Variants in PTPRD observed in about 807,000 individuals in gnomAD.
PTPRD encodes the protein receptor-type tyrosine-protein phosphatase delta.
A neutral mutation model predicts 214.5 loss-of-function variants in PTPRD; 34 were observed. The ratio of observed to expected loss-of-function variants is 0.16; its 90% confidence interval spans 0.12 to 0.21. The LOEUF (loss-of-function observed/expected upper bound fraction) is 0.21, where lower values mean the gene tolerates loss of function less well. Ranked by LOEUF, PTPRD falls within the 10% of genes least tolerant of loss-of-function variation. The pLI, the probability that PTPRD is intolerant of heterozygous loss-of-function variation, is 1.00. For missense variants in PTPRD, 2,545 were observed against 2,398.7 expected, an observed-to-expected ratio of 1.06 and a Z score of -1.27; for synonymous variants, 1,128 against 845.7, an observed-to-expected ratio of 1.33 and a Z score of -5.79.
Position 10,051,657 on chromosome 9 carries a change from G to T in PTPRD, c.-544-17867C>A, listed in dbSNP as rs572219616. On this transcript the variant is annotated intron_variant, in intron 3 of 45. Transcript: ENST00000381196. ...GATGTTCCCCTTCCTGTGTCCATGT[G>T]TTCTCATTGTTCAATTCCCACCTGT... Among the ~76,000 whole-genome samples the T allele has an allele frequency of 1.9e-4, 28 of 150,934 alleles. No homozygotes were observed. In the South Asian group the frequency reaches 5.9e-3, roughly 32 times the overall value.
chr9:8,452,249 C>T (rs1455523948), intron 33 of PTPRD, among the ~76,000 whole-genome samples: 1 of 152,142 alleles, frequency 6.6e-6, no homozygotes, highest in South Asian at 2.1e-4. Context: ...AGTTTTCTTT[C>T]GATGATCACA....
intron 9 of PTPRD, among the ~76,000 whole-genome samples, chr9:9,244,370 T>A (rs1267573185): frequency 1.3e-5 from 2 of 152,100 alleles, no homozygotes; most frequent in African/African-American, 4.8e-5. Context: ...GGCATCACAC[T>A]ACCTGACTTC....
At chr9:8,322,370 T>C (rs956571598) in intron 44 of PTPRD, among the ~76,000 whole-genome samples, 2 of 152,150 alleles carry the variant, frequency 1.3e-5, no homozygotes, top group African/African-American at 4.8e-5. Context: ...AATGCAAAGT[T>C]CCTGAAGGAA....
At chr9:10,307,947 C>A (rs1212700518) in intron 3 of PTPRD, among the ~76,000 whole-genome samples, 1 of 151,732 alleles carries the variant, frequency 6.6e-6, no homozygotes, top group Admixed American at 6.6e-5. Context: ...GTTTGAGTTC[C>A]TTGTATTCTG....
At chr9:9,260,358 T>C (rs766502512) in intron 9 of PTPRD, among the ~76,000 whole-genome samples, 1 of 151,848 alleles carries the variant, frequency 6.6e-6, no homozygotes. Context: ...ATGATTCAAG[T>C]AGAAAACCGA....
In PTPRD at chr9:10,407,089, T is replaced by C. The variant is rs13301225; in HGVS notation, c.-599-66072A>G. Among the ~76,000 whole-genome samples the C allele has an allele frequency of 4.5e-3, 677 of 151,686 alleles. 4 individuals carry two copies. The highest frequency in any genetic ancestry group is 0.034 in the Middle Eastern group (10 of 294). ...ATAAATATTATAATGCCCAACGTCT[T>C]CTCACCAACAAATTTAAAAAATGCC... On this transcript the variant is annotated intron_variant, in intron 2 of 45. Coordinates refer to ENST00000381196, the MANE Select transcript of PTPRD (RefSeq NM_002839.4).
chr9:10,035,481 G>C (rs1206050304), intron 3 of PTPRD, among the ~76,000 whole-genome samples: 2 of 152,038 alleles, frequency 1.3e-5, no homozygotes, highest in African/African-American at 2.4e-5. Context: ...AATTGCTTTT[G>C]GCATCTTCGT....
chr9:9,222,440 A>G (rs1191786896), intron 9 of PTPRD, among the ~76,000 whole-genome samples: 1 of 152,050 alleles, frequency 6.6e-6, no homozygotes, highest in Non-Finnish European at 1.5e-5. Context: ...GGAATTTTCA[A>G]TTATGTAGCA....
intron 7 of PTPRD, among the ~76,000 whole-genome samples, chr9:9,708,697 TAA>T (rs2097671397): frequency 6.6e-6 from 1 of 151,944 alleles, no homozygotes; most frequent in Non-Finnish European, 1.5e-5. Flanking sequence ...AAAAGAGAGA[TAA>T]GTCTATACCC....
intron 2 of PTPRD, among the ~76,000 whole-genome samples, chr9:10,549,922 C>G (rs2060947053): frequency 2.0e-5 from 3 of 152,100 alleles, no homozygotes; most frequent in Admixed American, 1.3e-4. Context: ...ATTGTTACCC[C>G]AACTTTATTG....
intron 10 of PTPRD, among the ~76,000 whole-genome samples, chr9:9,071,314 C>T (rs2099743375): frequency 6.6e-6 from 1 of 152,178 alleles, no homozygotes; most frequent in South Asian, 2.1e-4. Context: ...AGGTGAAGGG[C>T]TATTGCAGAT....
chr9:8,353,876 A>G lies in PTPRD; in HGVS notation c.4662-11898T>C, dbSNP rs189493867. Among the ~76,000 whole-genome samples, 697 of 138,988 alleles carry G rather than the reference A, an allele frequency of 5.0e-3. 8 individuals carry two copies. Among genetic ancestry groups the G allele is most frequent in the African/African-American group, 0.013 (458 of 35,404 alleles). 91.2% of individuals were successfully genotyped at this position (138,988 alleles called of 152,430 possible). On this transcript the variant is annotated intron_variant, in intron 39 of 45. Coordinates refer to ENST00000381196, the MANE Select transcript of PTPRD (RefSeq NM_002839.4). ...TATATGTGTATATATGTATATATGT[A>G]TATATGTGTATATATGTATATATGT... is the stretch of plus-strand genomic sequence containing the variant.
At chr9:10,379,713 T>C (rs2097785749) in intron 2 of PTPRD, among the ~76,000 whole-genome samples, 1 of 152,068 alleles carries the variant, frequency 6.6e-6, no homozygotes, top group African/African-American at 2.4e-5. Flanking sequence ...AGTTTGATGG[T>C]TGTGCCTTAA....
intron 7 of PTPRD, among the ~76,000 whole-genome samples, chr9:9,676,754 TG>T (rs1201649251): frequency 4.6e-5 from 7 of 152,090 alleles, no homozygotes; most frequent in African/African-American, 1.7e-4. Context: ...CGTGTAAAAG[TG>T]TTCCTATTTC....
In PTPRD at chr9:9,693,647, G is replaced by A. The variant is rs2097315916; in HGVS notation, c.-287+40886C>T. Among the ~76,000 whole-genome samples the A allele has an allele frequency of 2.6e-5, 4 of 152,152 alleles. No homozygotes were observed. In the South Asian group the frequency reaches 6.2e-4, roughly 24 times the overall value. The stretch of plus-strand genomic sequence containing the variant: ...TAATATATTTCTCTAGGTTTGGGAA[G>A]TTTTCTGCTATTATCCCTTCGAATA... On this transcript the variant is annotated intron_variant, in intron 7 of 45. Coordinates refer to ENST00000381196, the MANE Select transcript of PTPRD (RefSeq NM_002839.4).
chr9:8,899,409 G>C (rs1476221465), intron 11 of PTPRD, among the ~76,000 whole-genome samples: 2 of 152,172 alleles, frequency 1.3e-5, no homozygotes, highest in Non-Finnish European at 2.9e-5. Context: ...ATGGGATTGT[G>C]TCTCCGCATT....
intron 5 of PTPRD, among the ~76,000 whole-genome samples, chr9:9,811,385 A>G (rs2047088453): frequency 6.6e-6 from 1 of 152,124 alleles, no homozygotes; most frequent in Admixed American, 6.5e-5. Flanking sequence ...TGAAACTTTA[A>G]CAAATGAGAA....
At chr9:9,697,105 C>A (rs2097391658) in intron 7 of PTPRD, among the ~76,000 whole-genome samples, 1 of 151,992 alleles carries the variant, frequency 6.6e-6, no homozygotes, top group East Asian at 1.9e-4. Context: ...TTAGATTTTT[C>A]TTGCCTCAAT....
chr9:9,051,271 G>A, intron 10 of PTPRD, among the ~76,000 whole-genome samples: 1 of 152,206 alleles, frequency 6.6e-6, no homozygotes, highest in South Asian at 2.1e-4. Context: ...CAGCTTACCA[G>A]TTTTGTTTGT....
Sources: gnomAD v4.1 joint callset for allele counts (sites outside exome capture counted in the v4.1 genomes callset) on GRCh38, gnomAD v4.1.1 for gene constraint, MANE v1.5 for transcripts, NCBI Gene and HGNC (gene_info 2026-07-23, HGNC 2026-07-21) for gene names.